Variants in RASAL2 observed in about 807,000 individuals in gnomAD.
RASAL2 encodes ras GTPase-activating protein nGAP.
In RASAL2, 58 loss-of-function variants were observed where a neutral mutation model predicts 128.9. That is an observed-to-expected ratio of 0.45 (90% CI 0.36 to 0.56). The LOEUF (loss-of-function observed/expected upper bound fraction) is 0.56, where lower values mean the gene tolerates loss of function less well. RASAL2 is among the 20% of genes least tolerant of loss of function. RASAL2 has a pLI of 0.00. For synonymous variants in RASAL2, 561 were observed against 580.8 expected (o/e 0.97, Z 0.49); for missense variants, 1,360 against 1,601.6 (o/e 0.85, Z 2.57).
chr1:178,200,506 G>C (rs1309292314), intron 1 of RASAL2, among the ~76,000 whole-genome samples: 1 of 152,134 alleles, frequency 6.6e-6, no homozygotes, highest in Non-Finnish European at 1.5e-5. Context: ...AGAAAATAAT[G>C]AACTCGGGGC....
At position 178,292,404 on chromosome 1, in the gene RASAL2, T is replaced by C. The variant is rs1440523828; in HGVS notation, c.331-7588T>C. Among the ~76,000 whole-genome samples, 4 of 152,296 alleles carry C rather than the reference T, an allele frequency of 2.6e-5. No homozygotes were observed. In the East Asian group the frequency reaches 7.7e-4, roughly 29 times the overall value. On this transcript the variant is annotated intron_variant, in intron 2 of 17. Transcript: ENST00000367649. ...GAAAAGTCTGTTTGAGGAGTATACA[T>C]GGGAAGAGTGTTAAATATTCCAATG... is the stretch of plus-strand genomic sequence containing the variant.
intron 3 of RASAL2, among the ~76,000 whole-genome samples, chr1:178,371,547 C>A (rs77770894): frequency 0.039 from 5,975 of 151,670 alleles, 402 homozygotes; most frequent in African/African-American, 0.14. Context: ...AGTCGCCATG[C>A]GAGGTGGGGG....
intron 1 of RASAL2, among the ~76,000 whole-genome samples, chr1:178,126,906 A>G (rs1659923227): frequency 6.6e-6 from 1 of 152,204 alleles, no homozygotes; most frequent in Non-Finnish European, 1.5e-5. Context: ...TCTCTGAGTA[A>G]AACTGACTCA....
At chr1:178,264,923 G>A (rs2102147667) in intron 1 of RASAL2, among the ~76,000 whole-genome samples, 1 of 152,224 alleles carries the variant, frequency 6.6e-6, no homozygotes, top group South Asian at 2.1e-4. Flanking sequence ...CCATTTGGGG[G>A]CCACTAAGAG....
intron 1 of RASAL2, among the ~76,000 whole-genome samples, chr1:178,116,847 T>C (rs971970271): frequency 1.3e-5 from 2 of 152,180 alleles, no homozygotes; most frequent in Admixed American, 1.3e-4. Context: ...CCTGACCTCG[T>C]GATCCGCCTG....
At chr1:178,174,041 AG>A (rs1661800676) in intron 1 of RASAL2, among the ~76,000 whole-genome samples, 1 of 151,988 alleles carries the variant, frequency 6.6e-6, no homozygotes, top group South Asian at 2.1e-4. Flanking sequence ...CAGTGACATT[AG>A]GACAGATTTT....
intron 1 of RASAL2, among the ~76,000 whole-genome samples, chr1:178,175,850 C>T (rs1661868076): frequency 6.6e-6 from 1 of 152,146 alleles, no homozygotes; most frequent in Admixed American, 6.5e-5. Context: ...TCTCCAGTTT[C>T]ATCCAAGTTG....
At position 178,122,286 on chromosome 1, in the gene RASAL2, A is replaced by G. The variant is rs1415064208; in HGVS notation, c.202+27592A>G. Among the ~76,000 whole-genome samples, 3 of 152,236 alleles carry G rather than the reference A, an allele frequency of 2.0e-5. 1 individual carries two copies. The highest frequency in any genetic ancestry group is 4.4e-5 in the Non-Finnish European group (3 of 68,044). On this transcript the variant is annotated intron_variant, in intron 1 of 17. Transcript: ENST00000367649. ...CTGTTTTTGTCTGGTGTAAGAAAAA[A>G]TACGACAAGTATGGGATTGTTTATA...
intron 3 of RASAL2, chr1:178,372,116 T>C (rs1671752461): frequency 1.0e-6 from 1 of 954,854 alleles, no homozygotes; most frequent in Non-Finnish European, 1.2e-6. Flanking sequence ...ATTTTCTCTT[T>C]CATCATTACT....
chr1:178,401,354 T>A (rs1166860371), intron 4 of RASAL2, among the ~76,000 whole-genome samples: 1 of 152,198 alleles, frequency 6.6e-6, no homozygotes, highest in African/African-American at 2.4e-5. Context: ...ATTTAGTGAG[T>A]AGGAAGAATT....
At chr1:178,291,103 T>G (rs2102239402) in intron 2 of RASAL2, among the ~76,000 whole-genome samples, 1 of 152,268 alleles carries the variant, frequency 6.6e-6, no homozygotes, top group South Asian at 2.1e-4. Flanking sequence ...GGACTGTATC[T>G]TAAGGGACAA....
chr1:178,472,442 G>A (rs567740015), intron 17 of RASAL2, among the ~76,000 whole-genome samples: 1 of 152,204 alleles, frequency 6.6e-6, no homozygotes, highest in African/African-American at 2.4e-5. Flanking sequence ...TATGTTGATG[G>A]CATTCCCTTT....
chr1:178,156,856 T>C (rs991380557), intron 1 of RASAL2, among the ~76,000 whole-genome samples: 2 of 152,186 alleles, frequency 1.3e-5, no homozygotes, highest in Non-Finnish European at 2.9e-5. Flanking sequence ...AAATATGATA[T>C]TAGGACAGGT....
chr1:178,094,789 T>C, intron 1 of RASAL2, 95 bp downstream of exon 1: 12 of 1,456,214 alleles, frequency 8.2e-6, no homozygotes, highest in Non-Finnish European at 1.1e-5. Context: ...CCAGTCCTCA[T>C]CCGTGCTAGG....
rs1458530620 is a variant in RASAL2 at position 178,212,010 on chromosome 1, T to C, written c.203-71554T>C. 2.6e-5 allele frequency among the ~76,000 whole-genome samples: 4 copies of C among 151,838 alleles called. No homozygotes were observed. The South Asian group carries it at 8.3e-4, about 31-fold the overall frequency. ...TGAATGAATGTTACGGCTTGAGCAG[T>C]ATTTTTTTATTCTATCCCACTTAAT... On this transcript the variant is annotated intron_variant, in intron 1 of 17. Coordinates refer to ENST00000367649, the MANE Select transcript of RASAL2 (RefSeq NM_170692.4).
intron 1 of RASAL2, among the ~76,000 whole-genome samples, chr1:178,119,387 T>C (rs1659632642): frequency 6.6e-6 from 1 of 152,208 alleles, no homozygotes; most frequent in Non-Finnish European, 1.5e-5. Context: ...GTTAAGGGCA[T>C]GTACTTTAAC....
intron 4 of RASAL2, among the ~76,000 whole-genome samples, chr1:178,415,151 C>A (rs6425472): frequency 0.34 from 52,230 of 151,856 alleles, 12,734 homozygotes; most frequent in African/African-American, 0.69. Context: ...CTAAGATAGA[C>A]ACTTAGTATT....
intron 4 of RASAL2, among the ~76,000 whole-genome samples, chr1:178,419,868 C>A (rs547138027): frequency 6.6e-6 from 1 of 152,332 alleles, no homozygotes; most frequent in South Asian, 2.1e-4. Context: ...ATCTATACTT[C>A]ATTTTAAAAT....
chr1:178,160,393 G>A (rs550068309), intron 1 of RASAL2, among the ~76,000 whole-genome samples: 16 of 152,298 alleles, frequency 1.1e-4, no homozygotes, highest in African/African-American at 3.8e-4. Context: ...CCAGAACTTC[G>A]GGAGGCCGAG....
Sources: gnomAD v4.1 joint callset for allele counts (sites outside exome capture counted in the v4.1 genomes callset) on GRCh38, gnomAD v4.1.1 for gene constraint, MANE v1.5 for transcripts, NCBI Gene and HGNC (gene_info 2026-07-23, HGNC 2026-07-21) for gene names.